FTO: variants seen among roughly 807,000 people sequenced by gnomAD.
FTO encodes alpha-ketoglutarate-dependent dioxygenase FTO.
In FTO, 47 loss-of-function variants were observed where a neutral mutation model predicts 63.9. That is an observed-to-expected ratio of 0.74 (90% confidence interval 0.58 to 0.94). The LOEUF (loss-of-function observed/expected upper bound fraction) is 0.94, where lower values mean the gene tolerates loss of function less well. FTO is among the 40% of genes least tolerant of loss of function. FTO has a pLI of 0.00. For missense variants in FTO, 562 were observed against 618.1 expected, an observed-to-expected ratio of 0.91 and a Z score of 0.96; for synonymous variants, 207 against 224.4, an observed-to-expected ratio of 0.92 and a Z score of 0.69.
intron 3 of FTO, among the ~76,000 whole-genome samples, chr16:53,838,950 A>G (rs1258102878): frequency 6.6e-6 from 1 of 152,202 alleles, no homozygotes; most frequent in Non-Finnish European, 1.5e-5. Context: ...ATATGGTACA[A>G]AATTTTTTGT....
intron 8 of FTO, among the ~76,000 whole-genome samples, chr16:54,093,082 T>C (rs896864060): frequency 1.1e-5 from 1 of 94,178 alleles, no homozygotes; most frequent in Admixed American, 9.6e-5. Context: ...AGAGCAAGAG[T>C]GTTCCTGGAG....
intron 1 of FTO, among the ~76,000 whole-genome samples, chr16:53,713,367 C>A (rs999357003): frequency 7.2e-5 from 11 of 152,114 alleles, no homozygotes; most frequent in African/African-American, 2.7e-4. Context: ...GTGTGACTTT[C>A]TAACTTCTAG....
At chr16:53,946,030 TA>T (rs1415042552) in intron 8 of FTO, among the ~76,000 whole-genome samples, 1 of 152,138 alleles carries the variant, frequency 6.6e-6, no homozygotes, top group Non-Finnish European at 1.5e-5. Flanking sequence ...ATGTTATAGA[TA>T]AAAGTTTAAC....
chr16:54,014,783 A>G (rs537125182), intron 8 of FTO, among the ~76,000 whole-genome samples: 1 of 151,408 alleles, frequency 6.6e-6, no homozygotes, highest in East Asian at 2.0e-4. Flanking sequence ...GTTCTATAAA[A>G]TGCACCCAGA....
intron 2 of FTO, among the ~76,000 whole-genome samples, chr16:53,812,372 G>A (rs1248239858): frequency 6.6e-6 from 1 of 151,800 alleles, no homozygotes; most frequent in Admixed American, 6.6e-5. Context: ...CTGGGTTCAA[G>A]CAAGTGCATC....
At chr16:53,704,152 G>A (rs1365218611), upstream of FTO, 3 of 1,550,956 alleles carry the variant, frequency 1.9e-6, no homozygotes, top group Non-Finnish European at 2.6e-6. Context: ...GATCTACGCA[G>A]CTTGCGGTGG....
chr16:53,908,163 T>C (rs1267113614), intron 7 of FTO, among the ~76,000 whole-genome samples: 1 of 152,244 alleles, frequency 6.6e-6, no homozygotes, highest in Non-Finnish European at 1.5e-5. Context: ...TTCTCCAAAT[T>C]ATTGGAATAT....
At chr16:53,843,811 A>G (rs1226364143) in intron 3 of FTO, among the ~76,000 whole-genome samples, 1 of 139,684 alleles carries the variant, frequency 7.2e-6, no homozygotes, top group Non-Finnish European at 1.6e-5. Context: ...TTTATTTTTA[A>G]AAAGTAATTT....
chr16:54,052,326 G>A (rs1261148458), intron 8 of FTO, among the ~76,000 whole-genome samples: 1 of 152,064 alleles, frequency 6.6e-6, no homozygotes. Context: ...ACTCGAGGGG[G>A]AAAAAGTTAA....
At chr16:53,914,967 C>T (rs2081824444) in intron 7 of FTO, among the ~76,000 whole-genome samples, 1 of 152,130 alleles carries the variant, frequency 6.6e-6, no homozygotes. Flanking sequence ...TATACCCCAG[C>T]CATGTCTACA....
intron 8 of FTO, among the ~76,000 whole-genome samples, chr16:53,978,407 A>G (rs752869752): frequency 2.5e-4 from 38 of 152,228 alleles, no homozygotes; most frequent in Non-Finnish European, 5.4e-4. Flanking sequence ...TATACAATGA[A>G]GAGATTAAAC....
intron 1 of FTO, among the ~76,000 whole-genome samples, chr16:53,738,477 C>T (rs548814389): frequency 4.6e-5 from 7 of 152,238 alleles, no homozygotes; most frequent in African/African-American, 9.6e-5. Flanking sequence ...ACACATCCCA[C>T]GTTATCTCAT....
At chr16:53,840,697 C>G (rs2079449073) in intron 3 of FTO, among the ~76,000 whole-genome samples, 1 of 152,184 alleles carries the variant, frequency 6.6e-6, no homozygotes, top group Non-Finnish European at 1.5e-5. Flanking sequence ...ATCTCTGCAA[C>G]CCAGCTCTTG....
intron 8 of FTO, among the ~76,000 whole-genome samples, chr16:53,949,451 C>T (rs1047192868): frequency 1.3e-4 from 20 of 152,026 alleles, no homozygotes; most frequent in African/African-American, 4.3e-4. Context: ...TGGCGGCCAC[C>T]GAAGTCAGCT....
rs147540606 is a variant in FTO, at chr16:53,837,625, C to T, written c.752-6530C>T. Reference sequence around the variant, plus strand: ...TCAGCAGCAAGCTTTTCTTGCAACCCGTCAAGGAAAGCATTTCTAAACTCT... The same window carrying T: ...TCAGCAGCAAGCTTTTCTTGCAACCTGTCAAGGAAAGCATTTCTAAACTCT... On this transcript the variant is annotated intron_variant, in intron 3 of 8. Transcript: ENST00000471389. Among the ~76,000 whole-genome samples the T allele has an allele frequency of 2.1e-3, 321 of 152,244 alleles. 2 individuals carry two copies. The highest frequency in any genetic ancestry group is 7.2e-3 in the African/African-American group (301 of 41,544).
chr16:54,101,807 C>G (rs1205220893), intron 8 of FTO, among the ~76,000 whole-genome samples: 3 of 152,164 alleles, frequency 2.0e-5, no homozygotes, highest in African/African-American at 7.2e-5. Flanking sequence ...CCCTTTTCTC[C>G]CCAACCTCGC....
intron 8 of FTO, among the ~76,000 whole-genome samples, chr16:54,108,144 A>G (rs1313755956): frequency 6.6e-6 from 1 of 152,160 alleles, no homozygotes; most frequent in African/African-American, 2.4e-5. Context: ...AGGACAACAA[A>G]TTTCCATCAC....
At chr16:53,759,403 A>C (rs1012603171) in intron 1 of FTO, among the ~76,000 whole-genome samples, 10 of 152,188 alleles carry the variant, frequency 6.6e-5, no homozygotes, top group Non-Finnish European at 1.2e-4. Context: ...TTATCAAAGA[A>C]ATAATACAGG....
At chr16:53,803,406 A>G (rs970530361) in intron 1 of FTO, among the ~76,000 whole-genome samples, 2 of 152,212 alleles carry the variant, frequency 1.3e-5, no homozygotes, top group Non-Finnish European at 2.9e-5. Context: ...ACAGAACAAG[A>G]CTTGCTAAGT....
Sources: allele counts gnomAD v4.1 joint callset (sites outside exome capture counted in the v4.1 genomes callset), GRCh38; gene constraint gnomAD v4.1.1; transcripts MANE v1.5; gene names NCBI Gene and HGNC (gene_info 2026-07-23, HGNC 2026-07-21).